ATXN3: variants seen among roughly 807,000 people sequenced by gnomAD.
ATXN3 encodes ataxin-3.
ATXN3 carries 28 observed loss-of-function variants against 58.2 expected under a neutral mutation model. That is an observed-to-expected ratio of 0.48 (90% CI 0.36 to 0.66). The LOEUF is 0.66. ATXN3 is among the 30% of genes least tolerant of loss of function. The probability of loss-of-function intolerance (pLI) is 0.00; values close to 1 mark genes in which losing one functional copy is unlikely to be tolerated. For synonymous variants in ATXN3, 113 were observed against 138.5 expected, an observed-to-expected ratio of 0.82 and a Z score of 1.29; for missense variants, 321 against 422.1, an observed-to-expected ratio of 0.76 and a Z score of 2.10.
At chr14:92,088,091 C>A (rs7154758) in intron 6 of ATXN3, among the ~76,000 whole-genome samples, 1 of 149,470 alleles carries the variant, frequency 6.7e-6, no homozygotes, top group Non-Finnish European at 1.5e-5. Context: ...TTTTTTGAGA[C>A]GGAGTCTCGC....
chr14:92,096,597 AT>A, intron 2 of ATXN3, 76 bp downstream of exon 2: 2 of 1,438,244 alleles, frequency 1.4e-6, no homozygotes, highest in Non-Finnish European at 1.9e-6. Flanking sequence ...GCACTCCAGC[AT>A]GGGCAACAGG....
intron 3 of ATXN3, among the ~76,000 whole-genome samples, chr14:92,094,231 C>T (rs955004627): frequency 2.6e-5 from 4 of 152,064 alleles, no homozygotes; most frequent in Non-Finnish European, 4.4e-5. Flanking sequence ...TGAGCCACCA[C>T]GCCCAGCCGG....
chr14:92,047,220 G>A (rs1288323603), intron 2 of ATXN3, among the ~76,000 whole-genome samples: 1 of 152,220 alleles, frequency 6.6e-6, no homozygotes, highest in Non-Finnish European at 1.5e-5. Flanking sequence ...ATAGTGAGTT[G>A]TGGAGGAAGG....
At chr14:92,055,310 A>G (rs920339513), downstream of ATXN3, among the ~76,000 whole-genome samples, 1 of 152,166 alleles carries the variant, frequency 6.6e-6, no homozygotes, top group Non-Finnish European at 1.5e-5. This position sits in a 1 kb window ranked among gnomAD's most constrained non-coding sequence, Gnocchi z 4.5. Context: ...GGGAGCAAAT[A>G]TAGTGATCAA....
chr14:92,045,197 C>T (rs967248456), intron 2 of ATXN3, among the ~76,000 whole-genome samples: 15 of 152,104 alleles, frequency 9.9e-5, no homozygotes, highest in African/African-American at 2.9e-4. Flanking sequence ...GGAGGCTGAG[C>T]TTGGTGAGAT....
chr14:92,080,825 C>T (rs1478977860), intron 9 of ATXN3, 140 bp downstream of exon 9: 23 of 760,196 alleles, frequency 3.0e-5, no homozygotes, highest in African/African-American at 6.9e-5. Flanking sequence ...CGTAAGCCAC[C>T]GTGCCCGTCC....
At chr14:92,086,491 G>A (rs2062568619) in intron 6 of ATXN3, among the ~76,000 whole-genome samples, 1 of 151,330 alleles carries the variant, frequency 6.6e-6, no homozygotes, top group South Asian at 2.1e-4. Flanking sequence ...CTTGAACCCA[G>A]GAGGCAGAAG....
rs2057571040 is a variant in ATXN3, at chr14:92,059,169, T to C, written c.*5151A>G. The C allele has an allele frequency of 6.6e-6, 1 of 152,140 alleles. No homozygotes were observed. 9.4% of individuals were successfully genotyped at this position (152,140 alleles called of 1,614,324 possible). ...ACGTTATTAGCACTAATTCTTAAAATGCCAGACCACTTGGAAAAAATAATA... is the reference window on the plus strand; with the variant it reads ...ACGTTATTAGCACTAATTCTTAAAACGCCAGACCACTTGGAAAAAATAATA... On this transcript the variant is annotated 3_prime_UTR_variant, in exon 11 of 11. Coordinates refer to ENST00000644486, the MANE Select transcript of ATXN3 (RefSeq NM_004993.6).
At chr14:92,092,441 G>T (rs2064053328) in intron 5 of ATXN3, among the ~76,000 whole-genome samples, 1 of 152,168 alleles carries the variant, frequency 6.6e-6, no homozygotes, top group Non-Finnish European at 1.5e-5. Context: ...AAATAGAAGT[G>T]ATTTTCTGTA....
chr14:92,082,233 T>G, intron 8 of ATXN3, 67 bp downstream of exon 8: 1 of 1,510,180 alleles, frequency 6.6e-7, no homozygotes, highest in Admixed American at 1.9e-5. Context: ...TTAACTTCCA[T>G]GAAATCTAAG....
intron 6 of ATXN3, among the ~76,000 whole-genome samples, chr14:92,084,160 G>A (rs978797399): frequency 1.3e-5 from 2 of 152,262 alleles, no homozygotes; most frequent in East Asian, 3.9e-4. Flanking sequence ...GATCATACGA[G>A]TCGATACTCC....
rs781068463 is a variant in ATXN3, at chr14:92,096,852, A to G, written c.25-14T>C. The G allele has an allele frequency of 3.1e-6, 5 of 1,611,014 alleles. No homozygotes were observed. Among genetic ancestry groups the G allele is most frequent in the South Asian group, 1.1e-5 (1 of 90,794 alleles). ...TGAGCCTTCTTGCTAATATTTCCAA[A>G]AGAAAAAATTAAAATGTGACTTGTT... On this transcript the variant is annotated splice_polypyrimidine_tract_variant and intron_variant, in intron 1 of 10. Coordinates refer to ENST00000644486, the MANE Select transcript of ATXN3 (RefSeq NM_004993.6).
At chr14:92,050,828 G>A (rs2057445474), upstream of ATXN3, among the ~76,000 whole-genome samples, 1 of 152,024 alleles carries the variant, frequency 6.6e-6, no homozygotes, top group South Asian at 2.1e-4. Flanking sequence ...TTTTTTGGCT[G>A]GTCTCAAACT....
intron 2 of ATXN3, among the ~76,000 whole-genome samples, chr14:92,046,008 G>A (rs564488261): frequency 3.0e-4 from 45 of 152,296 alleles, no homozygotes; most frequent in African/African-American, 6.7e-4. Flanking sequence ...GAAGTAAAGC[G>A]GCCTTGAGAA....
chr14:92,093,945 T>TG (rs2064518550), intron 3 of ATXN3, 114 bp from the exon 4 acceptor site: 1 of 108,074 alleles, frequency 9.3e-6, no homozygotes, highest in African/African-American at 8.2e-5. Flanking sequence ...AGGCTATAGG[T>TG]TTTTTTTTTT....
At position 92,064,249 on chromosome 14, in the gene ATXN3, G is replaced by A. The variant is rs1400142977; in HGVS notation, c.*71C>T. On this transcript the variant is annotated 3_prime_UTR_variant, in exon 11 of 11. Coordinates refer to ENST00000644486, the MANE Select transcript of ATXN3 (RefSeq NM_004993.6). ...CTCATCTCTTTGACACATTACCAAAGTGGACCCTATGCTGTAATCACACAG... is the reference window on the plus strand; with the variant it reads ...CTCATCTCTTTGACACATTACCAAAATGGACCCTATGCTGTAATCACACAG... The A allele has an allele frequency of 1.8e-6, 2 of 1,122,682 alleles. No individual in the cohort carries two copies. The highest frequency in any genetic ancestry group is 2.6e-6 in the Non-Finnish European group (2 of 766,058). 69.5% of individuals were successfully genotyped at this position (1,122,682 alleles called of 1,614,324 possible).
chr14:92,066,879 C>T (rs914270395), intron 10 of ATXN3, among the ~76,000 whole-genome samples: 2 of 151,998 alleles, frequency 1.3e-5, no homozygotes, highest in African/African-American at 4.8e-5. Context: ...AAGCGATTCC[C>T]CTGCCTCAGC....
upstream of ATXN3, among the ~76,000 whole-genome samples, chr14:92,051,713 C>CTTTTTTTTTTTTTT (rs1168763514): frequency 1.4e-5 from 1 of 69,690 alleles, no homozygotes; most frequent in Non-Finnish European, 3.1e-5. Flanking sequence ...TTCTTCTTTT[C>CTTTTTTTTTTTTTT]CTTTCTTTTT....
Position 92,062,666 on chromosome 14 carries a change from A to G in ATXN3, c.*1654T>C, listed in dbSNP as rs1167895556. On this transcript the variant is annotated 3_prime_UTR_variant, in exon 11 of 11. Transcript: ENST00000644486. ...AAACTTTAGATTTTAAAATAAAGCT[A>G]TCCTTTTGTGTAAGGGAAACTTCAG... 1 of 152,376 alleles carries G rather than the reference A, an allele frequency of 6.6e-6. No homozygotes were observed. The highest frequency in any genetic ancestry group is 1.5e-5 in the Non-Finnish European group (1 of 68,038). 9.4% of individuals were successfully genotyped at this position (152,376 alleles called of 1,614,324 possible).
Sources: allele counts gnomAD v4.1 joint callset (sites outside exome capture counted in the v4.1 genomes callset), GRCh38; gene constraint gnomAD v4.1.1; non-coding constraint Gnocchi (gnomAD v3.1); transcripts MANE v1.5; gene names NCBI Gene and HGNC (gene_info 2026-07-23, HGNC 2026-07-21).